The following CCDC73 variants were observed in gnomAD, a reference collection of about 807,000 sequenced individuals.
CCDC73 encodes coiled-coil domain containing 73, also known as coiled-coil domain-containing protein 73.
Under a neutral mutation model 116.5 loss-of-function variants are expected in CCDC73, and 95 were observed. The ratio of observed to expected loss-of-function variants is 0.82; its 90% CI spans 0.69 to 0.97. CCDC73 has a LOEUF of 0.97. Among genes scored for constraint, CCDC73 ranks in the 50% least tolerant of loss-of-function variants. CCDC73 has a pLI of 0.00. For synonymous variants in CCDC73, 398 were observed against 401.3 expected (o/e 0.99, Z 0.10); for missense variants, 1,066 against 1,206.8 (o/e 0.88, Z 1.73).
chr11:32,801,116 A>C, the CCDC73 span, among the ~76,000 whole-genome samples: 2 of 152,216 alleles, frequency 1.3e-5, no homozygotes, highest in Non-Finnish European at 2.9e-5. Context: ...CAACATAAAA[A>C]GGAAGAAGGC....
chr11:32,635,359 G>C (rs1855668083), intron 14 of CCDC73, among the ~76,000 whole-genome samples: 1 of 152,094 alleles, frequency 6.6e-6, no homozygotes, highest in Non-Finnish European at 1.5e-5. Flanking sequence ...CTTAAGTATA[G>C]ACATATAATC....
At chr11:32,691,738 C>T (rs2037293457) in intron 6 of CCDC73, among the ~76,000 whole-genome samples, 1 of 151,950 alleles carries the variant, frequency 6.6e-6, no homozygotes, top group South Asian at 2.1e-4. Flanking sequence ...TTTCAGAAAT[C>T]ATGCTTTTCG....
At chr11:32,644,947 C>T (rs764195602) in intron 12 of CCDC73, among the ~76,000 whole-genome samples, 8 of 152,216 alleles carry the variant, frequency 5.3e-5, no homozygotes, top group Admixed American at 1.3e-4. Flanking sequence ...TCTCTTTTAC[C>T]GCTGAGTAAT....
intron 9 of CCDC73, among the ~76,000 whole-genome samples, chr11:32,662,041 T>C (rs1013803736): frequency 2.0e-5 from 3 of 152,232 alleles, no homozygotes; most frequent in Non-Finnish European, 4.4e-5. Context: ...TACATAGTAT[T>C]CCATGGTGTA....
chr11:32,656,863 T>C (rs1427575206), intron 9 of CCDC73, among the ~76,000 whole-genome samples: 2 of 150,572 alleles, frequency 1.3e-5, no homozygotes. Context: ...TTGACTCTTG[T>C]AGAAGTAAGT....
At chr11:32,634,509 G>A (rs905009510) in intron 14 of CCDC73, among the ~76,000 whole-genome samples, 7 of 152,082 alleles carry the variant, frequency 4.6e-5, no homozygotes, top group Admixed American at 2.0e-4. Context: ...GAAAGGAAAC[G>A]TTCTCAAACT....
rs527957470 is a variant in CCDC73, at chr11:32,692,182, T to C, written c.390+7069A>G. ...GTGATCCATTTTGAGTTAAATTTTG[T>C]GTAAATCTGTGTCTAGATTCATTTT... is the stretch of plus-strand genomic sequence containing the variant. On this transcript the variant is annotated intron_variant, in intron 6 of 17. Transcript: ENST00000335185. Among the ~76,000 whole-genome samples, 253 of 152,232 alleles carry C rather than the reference T, an allele frequency of 1.7e-3. No individual in the cohort carries two copies. In the Middle Eastern group the frequency reaches 0.017, roughly 10 times the overall value.
chr11:32,624,825 T>G (rs766262459), intron 14 of CCDC73, among the ~76,000 whole-genome samples: 1 of 152,188 alleles, frequency 6.6e-6, no homozygotes, highest in Non-Finnish European at 1.5e-5. Flanking sequence ...ATGTGGCACA[T>G]ATATACCATG....
chr11:32,825,295 C>CTTTTTTTTTTTTTTTTTTTTTTT, the CCDC73 span, among the ~76,000 whole-genome samples: 1 of 64,446 alleles, frequency 1.6e-5, no homozygotes, highest in Non-Finnish European at 2.7e-5. Flanking sequence ...CTGATGCAGA[C>CTTTTTTTTTTTTTTTTTTTTTTT]TTTTTTTTTT....
intron 1 of CCDC73, among the ~76,000 whole-genome samples, chr11:32,764,345 G>A (rs896112986): frequency 6.6e-6 from 1 of 152,174 alleles, no homozygotes; most frequent in African/African-American, 2.4e-5. Flanking sequence ...AGGAAAAAAT[G>A]TTAAGGGCAG....
intron 9 of CCDC73, among the ~76,000 whole-genome samples, chr11:32,670,167 A>G (rs900726381): frequency 1.4e-4 from 21 of 152,128 alleles, no homozygotes; most frequent in Non-Finnish European, 2.9e-4. Context: ...ATTTTCCTAT[A>G]TTTTTTCCTA....
At chr11:32,653,893 T>TG (rs1210538534) in intron 11 of CCDC73, 85 bp downstream of exon 11, 1 of 1,446,316 alleles carries the variant, frequency 6.9e-7, no homozygotes, top group African/African-American at 1.4e-5. Flanking sequence ...GCCTACTATG[T>TG]GCTATGCATG....
upstream of CCDC73, among the ~76,000 whole-genome samples, chr11:32,799,450 G>C (rs534063703): frequency 6.6e-6 from 1 of 151,420 alleles, no homozygotes; most frequent in South Asian, 2.1e-4. Context: ...GCCTGGTCTC[G>C]AACTCCTGAG....
chr11:32,715,439 C>G (rs79728459), intron 3 of CCDC73, among the ~76,000 whole-genome samples: 4,536 of 152,006 alleles, frequency 0.03, 85 homozygotes, highest in Non-Finnish European at 0.039. Context: ...TGCATAGCCA[C>G]TGTCCTATAA....
At chr11:32,607,870 T>C (rs1409405890) in intron 17 of CCDC73, among the ~76,000 whole-genome samples, 1 of 152,170 alleles carries the variant, frequency 6.6e-6, no homozygotes, top group East Asian at 1.9e-4. Context: ...GGCCTCATAA[T>C]CATGGCAGAA....
At chr11:32,735,992 T>C (rs369597324) in intron 2 of CCDC73, among the ~76,000 whole-genome samples, 4 of 152,018 alleles carry the variant, frequency 2.6e-5, no homozygotes, top group Admixed American at 6.6e-5. Flanking sequence ...TTCCTTACAC[T>C]TTATACAAAA....
In CCDC73 at chr11:32,632,602, T is replaced by TTG. The variant is rs148734503; in HGVS notation, c.1185+3092_1185+3093dup. ...TCCAAGTCTTCTGTATCCTTACAGA[T>TTG]TGTGTGTGTGTGTGTGTATGTGTGT... On this transcript the variant is annotated intron_variant, in intron 14 of 17. Transcript: ENST00000335185. Among the ~76,000 whole-genome samples the TTG allele has an allele frequency of 7.5e-3, 1,123 of 150,364 alleles. 17 individuals are homozygous for TTG. The highest frequency in any genetic ancestry group is 0.026 in the African/African-American group (1,056 of 41,150).
chr11:32,812,177 A>G, the CCDC73 span, among the ~76,000 whole-genome samples: 1 of 152,188 alleles, frequency 6.6e-6, no homozygotes, highest in Admixed American at 6.5e-5. Flanking sequence ...AATACTTGGA[A>G]GTGTCAGATT....
chr11:32,827,144 G>A, the CCDC73 span, among the ~76,000 whole-genome samples: 2 of 152,252 alleles, frequency 1.3e-5, no homozygotes, highest in East Asian at 3.9e-4. Flanking sequence ...GGTTACAGGT[G>A]TGAGCCACCG....
Sources: allele counts gnomAD v4.1 joint callset (sites outside exome capture counted in the v4.1 genomes callset), GRCh38; gene constraint gnomAD v4.1.1; transcripts MANE v1.5; gene names NCBI Gene and HGNC (gene_info 2026-07-23, HGNC 2026-07-21).